The following FRMPD1 variants were observed in gnomAD, a reference collection of about 807,000 sequenced individuals.
FRMPD1 encodes FERM and PDZ domain-containing protein 1.
A neutral mutation model predicts 117.8 loss-of-function variants in FRMPD1; 76 were observed. The ratio of observed to expected loss-of-function variants is 0.65; its 90% CI spans 0.54 to 0.78. The LOEUF is 0.78. Among genes scored for constraint, FRMPD1 ranks in the 30% least tolerant of loss-of-function variants. FRMPD1 has a pLI of 0.00. For missense variants in FRMPD1, 1,786 were observed against 1,964.5 expected (o/e 0.91, Z 1.72); for synonymous variants, 783 against 770.4 (o/e 1.02, Z -0.27).
chr9:37,724,334 A>T lies in FRMPD1; in HGVS notation c.612+14A>T, dbSNP rs1823531072. The T allele has an allele frequency of 7.3e-7, 1 of 1,373,128 alleles. No homozygotes were observed. Among genetic ancestry groups the T allele is most frequent in the African/African-American group, 1.4e-5 (1 of 70,416 alleles). 85.1% of individuals were successfully genotyped at this position (1,373,128 alleles called of 1,614,324 possible). On this transcript the variant is annotated intron_variant, in intron 7 of 15. Coordinates refer to ENST00000377765, the MANE Select transcript of FRMPD1 (RefSeq NM_014907.3). ...ACAACCGTGAAGGTATTAAGAATAA[A>T]CTTGAACTTCTTTTCCCAAGAAGAA... is the stretch of plus-strand genomic sequence containing the variant.
At chr9:37,700,545 G>C (rs1822494715) in intron 2 of FRMPD1, among the ~76,000 whole-genome samples, 1 of 152,180 alleles carries the variant, frequency 6.6e-6, no homozygotes, top group African/African-American at 2.4e-5. Context: ...GTTGTTACAG[G>C]ATAGAGGTAG....
the FRMPD1 span, among the ~76,000 whole-genome samples, chr9:37,639,494 C>T: frequency 6.6e-6 from 1 of 152,184 alleles, no homozygotes; most frequent in Non-Finnish European, 1.5e-5. Context: ...ATAAAAAGCA[C>T]ATTCTACTTT....
intron 6 of FRMPD1, among the ~76,000 whole-genome samples, chr9:37,720,392 C>T (rs1346433222): frequency 2.0e-5 from 3 of 151,910 alleles, no homozygotes; most frequent in African/African-American, 7.3e-5. Context: ...CGGCCGGGGG[C>T]GGTGGCTCAC....
chr9:37,622,140 G>T, the FRMPD1 span, among the ~76,000 whole-genome samples: 5 of 152,296 alleles, frequency 3.3e-5, no homozygotes, highest in South Asian at 1.0e-3. Flanking sequence ...TGCCATGGGA[G>T]ATTTCCTTAG....
the FRMPD1 span, among the ~76,000 whole-genome samples, chr9:37,637,963 G>GCTTTCTTTT: frequency 1.0e-5 from 1 of 100,030 alleles, no homozygotes; most frequent in African/African-American, 3.8e-5. Context: ...AATGGTGTAT[G>GCTTTCTTTT]CTTTCTTTCT....
At chr9:37,613,590 C>T in the FRMPD1 span, among the ~76,000 whole-genome samples, 1 of 152,140 alleles carries the variant, frequency 6.6e-6, no homozygotes, top group Non-Finnish European at 1.5e-5. Context: ...AAAATTTGTT[C>T]CTAGCGTTCT....
At chr9:37,660,918 C>A (rs1352208588) in intron 1 of FRMPD1, among the ~76,000 whole-genome samples, 4 of 152,212 alleles carry the variant, frequency 2.6e-5, no homozygotes, top group Non-Finnish European at 5.9e-5. Flanking sequence ...ACTTCCTTAG[C>A]TGCATCTGGC....
chr9:37,684,842 C>T (rs559192629), intron 1 of FRMPD1, among the ~76,000 whole-genome samples: 1 of 152,178 alleles, frequency 6.6e-6, no homozygotes, highest in Non-Finnish European at 1.5e-5. Flanking sequence ...CAGCCTCAAC[C>T]TCCTGGGCTC....
chr9:37,684,813 G>T (rs1282792670), intron 1 of FRMPD1, among the ~76,000 whole-genome samples: 1 of 152,146 alleles, frequency 6.6e-6, no homozygotes, highest in Non-Finnish European at 1.5e-5. Flanking sequence ...CAGTGCAGTG[G>T]CATGGTCATG....
chr9:37,714,997 G>A (rs1367582468), intron 5 of FRMPD1, among the ~76,000 whole-genome samples: 2 of 152,128 alleles, frequency 1.3e-5, no homozygotes, highest in Non-Finnish European at 2.9e-5. Flanking sequence ...TCTTGCTTTA[G>A]CAAGGAGCCT....
At chr9:37,657,146 G>A (rs1820867336) in intron 1 of FRMPD1, among the ~76,000 whole-genome samples, 1 of 152,230 alleles carries the variant, frequency 6.6e-6, no homozygotes, top group African/African-American at 2.4e-5. Flanking sequence ...CTTAAGAGAA[G>A]ACAGATGTGC....
At chr9:37,628,382 T>C in the FRMPD1 span, among the ~76,000 whole-genome samples, 1 of 152,094 alleles carries the variant, frequency 6.6e-6, no homozygotes, top group Non-Finnish European at 1.5e-5. Flanking sequence ...TGTAAACATA[T>C]TAGTCTTTGG....
At chr9:37,676,657 G>A (rs1190740226) in intron 1 of FRMPD1, among the ~76,000 whole-genome samples, 1 of 152,174 alleles carries the variant, frequency 6.6e-6, no homozygotes, top group Non-Finnish European at 1.5e-5. Context: ...AATTAAGACA[G>A]CCAGAGTGGC....
chr9:37,657,156 C>T (rs940118432), intron 1 of FRMPD1, among the ~76,000 whole-genome samples: 6 of 152,174 alleles, frequency 3.9e-5, no homozygotes, highest in Non-Finnish European at 7.3e-5. Context: ...GACAGATGTG[C>T]AGGCAGCTGA....
At chr9:37,662,444 C>T (rs1361050156) in intron 1 of FRMPD1, among the ~76,000 whole-genome samples, 5 of 152,162 alleles carry the variant, frequency 3.3e-5, no homozygotes, top group East Asian at 1.9e-4. Context: ...GATGGAGTTA[C>T]AGTCCTTGGC....
In FRMPD1 at chr9:37,659,194, G is replaced by A. The variant is rs753548857; in HGVS notation, c.-5+8100G>A. On this transcript the variant is annotated intron_variant, in intron 1 of 15. Coordinates refer to ENST00000377765, the MANE Select transcript of FRMPD1 (RefSeq NM_014907.3). ...ACTTGGATATCTTTTTAGGGTGGCC[G>A]CCATTCAGCCATTGGCTCTCTACTT... 4.6e-5 allele frequency among the ~76,000 whole-genome samples: 7 copies of A among 152,058 alleles called. No homozygotes were observed. The East Asian group carries it at 7.7e-4, about 17-fold the overall frequency.
At chr9:37,733,903 C>A (rs1433256080) in intron 12 of FRMPD1, 78 bp downstream of exon 12, 3 of 837,402 alleles carry the variant, frequency 3.6e-6, no homozygotes, top group Non-Finnish European at 6.2e-6. Flanking sequence ...TGTCTTTTAG[C>A]CTAAAATTCC....
chr9:37,638,006 T>TC, the FRMPD1 span, among the ~76,000 whole-genome samples: 34 of 126,050 alleles, frequency 2.7e-4, 1 homozygote, highest in African/African-American at 9.9e-4. Flanking sequence ...CTTTCTTTCT[T>TC]TCTTTCTTTC....
intron 1 of FRMPD1, among the ~76,000 whole-genome samples, chr9:37,664,937 C>T (rs1174720347): frequency 2.6e-5 from 4 of 152,200 alleles, no homozygotes; most frequent in Non-Finnish European, 4.4e-5. Context: ...TTTCACCCAG[C>T]AGTGCCATTC....
Sources: allele counts gnomAD v4.1 joint callset (sites outside exome capture counted in the v4.1 genomes callset), GRCh38; gene constraint gnomAD v4.1.1; transcripts MANE v1.5; gene names NCBI Gene and HGNC (gene_info 2026-07-23, HGNC 2026-07-21).